ASCC3: variants seen among roughly 807,000 people sequenced by gnomAD.
The protein encoded by ASCC3 is ASC-1 complex subunit P200.
A neutral mutation model predicts 256.3 loss-of-function variants in ASCC3; 158 were observed. The observed-to-expected ratio is 0.62, with a 90% CI of 0.54 to 0.70. The LOEUF is 0.70. Ranked by LOEUF, ASCC3 falls within the 30% of genes least tolerant of loss-of-function variation. The pLI is 0.00. For synonymous variants in ASCC3, 948 were observed against 883.4 expected (o/e 1.07, Z -1.30); for missense variants, 2,259 against 2,626.0 (o/e 0.86, Z 3.05).
rs12664207 is a variant in ASCC3 at position 100,784,072 on chromosome 6, G to A, written c.1395+14641C>T. ...ACCAAAGTCTAAATTAAAAGTCCAA[G>A]TTAAAGGCTTGTAAAACTTATTAAT... On this transcript the variant is annotated intron_variant, in intron 8 of 41. Coordinates refer to ENST00000369162, the MANE Select transcript of ASCC3 (RefSeq NM_006828.4). Among the ~76,000 whole-genome samples the A allele has an allele frequency of 0.013, 1,969 of 152,144 alleles. 99 individuals are homozygous for A. In the East Asian group the frequency reaches 0.15, roughly 12 times the overall value.
chr6:100,808,092 CTG>C (rs928664651), intron 4 of ASCC3, among the ~76,000 whole-genome samples: 5 of 152,028 alleles, frequency 3.3e-5, no homozygotes, highest in African/African-American at 1.2e-4. Context: ...TTTTGAAAAA[CTG>C]TATCCACCAC....
chr6:100,874,406 C>T (rs1259903112), intron 1 of ASCC3, among the ~76,000 whole-genome samples: 1 of 129,784 alleles, frequency 7.7e-6, no homozygotes, highest in Non-Finnish European at 1.6e-5. Context: ...GCAGAGGTTG[C>T]AGTGAGCAGA....
At chr6:100,579,661 G>A (rs1037128139) in intron 36 of ASCC3, among the ~76,000 whole-genome samples, 2 of 151,898 alleles carry the variant, frequency 1.3e-5, no homozygotes, top group Admixed American at 1.3e-4. Context: ...TTCACTTCTG[G>A]GCTCTCTATT....
At chr6:100,565,514 T>C (rs1770192203) in intron 36 of ASCC3, among the ~76,000 whole-genome samples, 1 of 152,170 alleles carries the variant, frequency 6.6e-6, no homozygotes, top group Non-Finnish European at 1.5e-5. Flanking sequence ...GCACAGACAC[T>C]GGTCTGAAAG....
chr6:100,591,344 G>A (rs1212060881), intron 34 of ASCC3, among the ~76,000 whole-genome samples: 1 of 151,940 alleles, frequency 6.6e-6, no homozygotes, highest in Admixed American at 6.6e-5. Context: ...CCATATAAAA[G>A]ATACAAATAT....
intron 37 of ASCC3, among the ~76,000 whole-genome samples, chr6:100,537,757 C>T (rs911702895): frequency 2.6e-5 from 4 of 151,406 alleles, no homozygotes; most frequent in Non-Finnish European, 4.4e-5. Context: ...GCTGCTTTTC[C>T]AAATTATCTA....
chr6:100,516,212 CTACCATGGAGCTAAA>C lies in ASCC3; in HGVS notation c.6028_6042del (p.Phe2010_Val2014del). 1 of 1,613,624 alleles carries C rather than the reference CTACCATGGAGCTAAA, an allele frequency of 6.2e-7. No individual in the cohort carries two copies. Among genetic ancestry groups the C allele is most frequent in the Non-Finnish European group, 8.5e-7 (1 of 1,179,702 alleles). ...GTTTTTGCAGCATGTAGCTCACTTT[CTACCATGGAGCTAAA>C]TACATGGTCTTTCCCTCCACAGGCA... On this transcript the variant is annotated inframe_deletion, in exon 39 of 42. Coordinates refer to ENST00000369162, the MANE Select transcript of ASCC3 (RefSeq NM_006828.4).
intron 20 of ASCC3, among the ~76,000 whole-genome samples, chr6:100,649,651 CACAA>C (rs974268510): frequency 6.6e-6 from 1 of 151,376 alleles, no homozygotes; most frequent in East Asian, 1.9e-4. Context: ...ATATATTTAA[CACAA>C]ACATTCTTTT....
At chr6:100,650,226 T>C (rs1775593787) in intron 20 of ASCC3, among the ~76,000 whole-genome samples, 1 of 151,718 alleles carries the variant, frequency 6.6e-6, no homozygotes, top group Admixed American at 6.6e-5. Context: ...CTTTATATTC[T>C]TTTACTTTAT....
chr6:100,860,213 T>C (rs1021285122), intron 3 of ASCC3, among the ~76,000 whole-genome samples: 14 of 152,170 alleles, frequency 9.2e-5, no homozygotes, highest in African/African-American at 3.4e-4. Context: ...CAAAGTTTCA[T>C]TGCCAACAGA....
chr6:100,752,155 T>C (rs1287630110), intron 10 of ASCC3, among the ~76,000 whole-genome samples: 1 of 152,162 alleles, frequency 6.6e-6, no homozygotes, highest in Non-Finnish European at 1.5e-5. Flanking sequence ...ACCTGCATTA[T>C]TGCATCAGTA....
chr6:100,764,936 T>C (rs2115125961), intron 10 of ASCC3, among the ~76,000 whole-genome samples: 1 of 152,298 alleles, frequency 6.6e-6, no homozygotes, highest in African/African-American at 2.4e-5. Context: ...GATGAGATCA[T>C]CCTGACTATG....
chr6:100,654,821 G>A (rs189837934), intron 17 of ASCC3, among the ~76,000 whole-genome samples: 2 of 151,718 alleles, frequency 1.3e-5, no homozygotes, highest in South Asian at 2.1e-4. Context: ...CAAGCCTTAA[G>A]TTTCAATTTT....
intron 10 of ASCC3, among the ~76,000 whole-genome samples, chr6:100,726,323 GGA>G (rs2115040753): frequency 6.6e-6 from 1 of 151,950 alleles, no homozygotes; most frequent in South Asian, 2.1e-4. Flanking sequence ...GTAAATATTA[GGA>G]GAGGTACAAA....
At chr6:100,664,192 A>T (rs1264613683) in intron 14 of ASCC3, among the ~76,000 whole-genome samples, 2 of 151,686 alleles carry the variant, frequency 1.3e-5, no homozygotes, top group Non-Finnish European at 2.9e-5. Flanking sequence ...TTGGTCTCAA[A>T]ATCTCATTAT....
intron 8 of ASCC3, among the ~76,000 whole-genome samples, chr6:100,773,518 G>A (rs1334224420): frequency 6.6e-6 from 1 of 151,986 alleles, no homozygotes; most frequent in Non-Finnish European, 1.5e-5. Context: ...TTACTTCTTT[G>A]TGCTTCAGCA....
chr6:100,763,719 A>T (rs548470026), intron 10 of ASCC3, among the ~76,000 whole-genome samples: 6 of 152,300 alleles, frequency 3.9e-5, no homozygotes, highest in Non-Finnish European at 7.4e-5. Context: ...GTGGTCCACA[A>T]TGTTAATTAC....
At chr6:100,665,612 T>G (rs1776429025) in intron 14 of ASCC3, among the ~76,000 whole-genome samples, 1 of 151,720 alleles carries the variant, frequency 6.6e-6, no homozygotes, top group Non-Finnish European at 1.5e-5. Flanking sequence ...TGGTGGCATG[T>G]GCCTGTAGTC....
chr6:100,758,773 G>A (rs1562276591), intron 10 of ASCC3, among the ~76,000 whole-genome samples: 1 of 152,154 alleles, frequency 6.6e-6, no homozygotes, highest in Non-Finnish European at 1.5e-5. Context: ...TGAGATTGTT[G>A]AGTCAAATGG....
Sources: gnomAD v4.1 joint callset for allele counts (sites outside exome capture counted in the v4.1 genomes callset) on GRCh38, gnomAD v4.1.1 for gene constraint, MANE v1.5 for transcripts, NCBI Gene and HGNC (gene_info 2026-07-23, HGNC 2026-07-21) for gene names.